Variants in AJAP1 observed in about 807,000 individuals in gnomAD.
AJAP1 encodes the protein adherens junctions associated protein 1, also known as adherens junction-associated protein 1.
In AJAP1, 5 loss-of-function variants were observed where a neutral mutation model predicts 35.0. The ratio of observed to expected loss-of-function variants is 0.14; its 90% CI spans 0.07 to 0.30. The LOEUF is 0.30. Ranked by LOEUF, AJAP1 falls within the 10% of genes least tolerant of loss-of-function variation. The pLI, the probability that AJAP1 is intolerant of heterozygous loss-of-function variation, is 1.00. For missense variants in AJAP1, 586 were observed against 571.0 expected (o/e 1.03, Z -0.27); for synonymous variants, 284 against 249.3 (o/e 1.14, Z -1.31).
intron 2 of AJAP1, among the ~76,000 whole-genome samples, chr1:4,713,312 C>G (rs56401224): frequency 0.26 from 39,272 of 152,050 alleles, 5,383 homozygotes; most frequent in Admixed American, 0.35. Flanking sequence ...TCAGGTGGCA[C>G]CTTTCGGCTC....
rs1186702514 is a variant in AJAP1 at position 4,733,214 on chromosome 1, G to A, written c.829+20515G>A. ...CCAGGGCTTGGCTCAGGGTTTTCAC[G>A]TGATTTTTAAAATGCAATGCCGCCT... is the stretch of plus-strand genomic sequence containing the variant. On this transcript the variant is annotated intron_variant, in intron 2 of 5. Coordinates refer to ENST00000378191, the MANE Select transcript of AJAP1 (RefSeq NM_018836.4). 4.6e-5 allele frequency among the ~76,000 whole-genome samples: 7 copies of A among 151,942 alleles called. No individual in the cohort carries two copies. In the East Asian group the frequency reaches 9.8e-4, roughly 21 times the overall value.
At position 4,712,689 on chromosome 1, in the gene AJAP1, G is replaced by A; in HGVS notation, c.819G>A (p.Gly273=). ...GEVTQPPRIL[G]EASGLAVHQI... ...TCACCCAGCCCCCAAGGATTCTGGG[G>A]GAGGCCTCAGGTACAGCCATCTCTC... Residue 273 remains glycine, a synonymous_variant, in exon 2 of 6, where the codon GGG becomes GGA. Coordinates refer to ENST00000378191, the MANE Select transcript of AJAP1 (RefSeq NM_018836.4). 6.6e-7 allele frequency: 1 copy of A among 1,513,972 alleles called. No individual in the cohort carries two copies. The highest frequency in any genetic ancestry group is 1.3e-5 in the South Asian group (1 of 74,878). 93.8% of individuals were successfully genotyped at this position (1,513,972 alleles called of 1,614,324 possible). A position where few individuals can be genotyped will look rare whatever the true frequency, so the allele number is the denominator to read the frequency against.
chr1:4,767,471 TATC>T (rs1641709894), intron 2 of AJAP1, among the ~76,000 whole-genome samples: 1 of 151,214 alleles, frequency 6.6e-6, no homozygotes, highest in Non-Finnish European at 1.5e-5. Context: ...TTGCCATTAT[TATC>T]ACCATCTTCA....
chr1:4,790,626 G>T lies in AJAP1; in HGVS notation c.*8141G>T, dbSNP rs1292170578. The T allele has an allele frequency of 2.0e-5, 3 of 152,214 alleles. No homozygotes were observed. Among genetic ancestry groups the T allele is most frequent in the African/African-American group, 7.2e-5 (3 of 41,456 alleles). The allele number at this position is 152,214 out of a possible 1,614,324, so 9.4% of individuals were successfully genotyped here. ...CTTGTTTTTCACTAGCGTTTGCGTTGCTTCCTCTGAAGCCAGAGGGTGAAA... is the reference window on the plus strand; with the variant it reads ...CTTGTTTTTCACTAGCGTTTGCGTTTCTTCCTCTGAAGCCAGAGGGTGAAA... On this transcript the variant is annotated 3_prime_UTR_variant, in exon 6 of 6. Transcript: ENST00000378191.
At chr1:4,687,009 C>G (rs543765257) in intron 1 of AJAP1, among the ~76,000 whole-genome samples, 1 of 152,348 alleles carries the variant, frequency 6.6e-6, no homozygotes, top group African/African-American at 2.4e-5. Context: ...CCTCTGCCAG[C>G]TGCAGAGCAC....
Position 4,711,989 on chromosome 1 carries a change from C to T in AJAP1, c.119C>T (p.Ala40Val), listed in dbSNP as rs780226118. 3.8e-6 allele frequency: 6 copies of T among 1,593,396 alleles called. No individual in the cohort carries two copies. Among genetic ancestry groups the T allele is most frequent in the South Asian group, 3.4e-5 (3 of 88,174 alleles). Reference sequence around the variant, plus strand: ...TTTCAGCTCGCCGTGGACCTGCCCGCCTGTGAGGCCCTGGGCCCGGGGCCG... The same window carrying T: ...TTTCAGCTCGCCGTGGACCTGCCCGTCTGTGAGGCCCTGGGCCCGGGGCCG... Reference protein sequence around the residue: ...AMFQLAVDLPACEALGPGPEF... With the variant: ...AMFQLAVDLPVCEALGPGPEF... The change falls in exon 2 of 6, where the codon GCC becomes GTC. Residue 40 changes from alanine to valine, a missense_variant. By Grantham distance (64) the Ala-to-Val change is moderately conservative. Transcript: ENST00000378191.
rs947693451 is a variant in AJAP1, at chr1:4,787,053, C to G, written c.*4568C>G. On this transcript the variant is annotated 3_prime_UTR_variant, in exon 6 of 6. Coordinates refer to ENST00000378191, the MANE Select transcript of AJAP1 (RefSeq NM_018836.4). ...TTCAGCATGTGAATTCTTTAAGACA[C>G]TACTCACATATGCCATTGGAGAGAA... The G allele has an allele frequency of 2.6e-5, 4 of 152,288 alleles. No individual in the cohort carries two copies. The highest frequency in any genetic ancestry group is 9.6e-5 in the African/African-American group (4 of 41,462). The allele number at this position is 152,288 out of a possible 1,614,324, so 9.4% of individuals were successfully genotyped here.
chr1:4,730,465 C>A (rs1454410646), intron 2 of AJAP1, among the ~76,000 whole-genome samples: 1 of 152,138 alleles, frequency 6.6e-6, no homozygotes, highest in East Asian at 1.9e-4. Flanking sequence ...TGATCCCTCT[C>A]ATTTTTACAA....
rs1480883667 is a variant in AJAP1 at position 4,792,286 on chromosome 1, C to T, written c.*9801C>T. 2 of 139,778 alleles carry T rather than the reference C, an allele frequency of 1.4e-5. No homozygotes were observed. Among genetic ancestry groups the T allele is most frequent in the Non-Finnish European group, 3.0e-5 (2 of 67,282 alleles). The allele number at this position is 139,778 out of a possible 1,614,324, so 8.7% of individuals were successfully genotyped here. On this transcript the variant is annotated 3_prime_UTR_variant, in exon 6 of 6. Transcript: ENST00000378191. The stretch of plus-strand genomic sequence containing the variant: ...ATGTTGTGTTTCTTTTCTTTAAATG[C>T]ATATCATAATCATGTTAATAAACAA...
intron 2 of AJAP1, among the ~76,000 whole-genome samples, chr1:4,737,491 G>A (rs1031090654): frequency 5.3e-5 from 8 of 151,792 alleles, no homozygotes; most frequent in Non-Finnish European, 7.4e-5. Context: ...GAGCCCCCCC[G>A]AGACGGAAGC....
chr1:4,689,821 G>A (rs904051990), intron 1 of AJAP1, among the ~76,000 whole-genome samples: 3 of 152,216 alleles, frequency 2.0e-5, no homozygotes, highest in South Asian at 4.1e-4. Flanking sequence ...AAACAGCCCC[G>A]CCAAGGCCGC....
At chr1:4,717,602 T>A (rs531146211) in intron 2 of AJAP1, among the ~76,000 whole-genome samples, 1 of 152,352 alleles carries the variant, frequency 6.6e-6, no homozygotes, top group South Asian at 2.1e-4. Context: ...GTTTGCTTTG[T>A]CCTTGTCACC....
intron 2 of AJAP1, among the ~76,000 whole-genome samples, chr1:4,740,821 A>G (rs912108126): frequency 2.7e-5 from 4 of 148,812 alleles, no homozygotes; most frequent in African/African-American, 9.9e-5. Context: ...GGGGGCTAAG[A>G]TGGTCAATTT....
chr1:4,708,737 T>A (rs934661878), intron 1 of AJAP1, among the ~76,000 whole-genome samples: 3 of 152,158 alleles, frequency 2.0e-5, no homozygotes, highest in Non-Finnish European at 4.4e-5. Flanking sequence ...TTGGTGGCAA[T>A]GCAGAGCCTG....
intron 1 of AJAP1, among the ~76,000 whole-genome samples, chr1:4,681,068 G>A (rs1639471443): frequency 6.6e-6 from 1 of 152,182 alleles, no homozygotes; most frequent in South Asian, 2.1e-4. Flanking sequence ...ATCCTGGGGG[G>A]AAGAGTTAAA....
At chr1:4,731,463 C>G (rs1010217499) in intron 2 of AJAP1, among the ~76,000 whole-genome samples, 2 of 152,222 alleles carry the variant, frequency 1.3e-5, no homozygotes, top group Non-Finnish European at 2.9e-5. Flanking sequence ...CAGACCCAGG[C>G]AGATCCTCAG....
At chr1:4,732,782 C>A (rs552796834) in intron 2 of AJAP1, among the ~76,000 whole-genome samples, 1 of 152,338 alleles carries the variant, frequency 6.6e-6, no homozygotes. Context: ...ATCTTCCACA[C>A]CAGGCCTCAG....
At chr1:4,679,806 A>AGG (rs1489799087) in intron 1 of AJAP1, among the ~76,000 whole-genome samples, 49 of 92,738 alleles carry the variant, frequency 5.3e-4, no homozygotes, top group South Asian at 1.6e-3. Flanking sequence ...CAGAACCAAT[A>AGG]GGGTGTGTGT....
rs564625778 is a variant in AJAP1 at position 4,787,409 on chromosome 1, G to A, written c.*4924G>A. On this transcript the variant is annotated 3_prime_UTR_variant, in exon 6 of 6. Transcript: ENST00000378191. ...GGGGTTGTCTACGTCTCCTCCTCCT[G>A]CGACCCATCACCTACTGGAAAATTA... 6.9e-6 allele frequency: 2 copies of A among 291,918 alleles called. No individual in the cohort carries two copies. Among genetic ancestry groups the A allele is most frequent in the African/African-American group, 4.5e-5 (2 of 44,332 alleles). 18.1% of individuals were successfully genotyped at this position (291,918 alleles called of 1,614,324 possible).
Sources: gnomAD v4.1 joint callset for allele counts (sites outside exome capture counted in the v4.1 genomes callset) on GRCh38, gnomAD v4.1.1 for gene constraint, MANE v1.5 for transcripts, NCBI Gene and HGNC (gene_info 2026-07-23, HGNC 2026-07-21) for gene names.